EHBP1: variants seen among roughly 807,000 people sequenced by gnomAD.
EHBP1 encodes EH domain binding protein 1, also known as EH domain-binding protein 1.
Under a neutral mutation model 144.0 loss-of-function variants are expected in EHBP1, and 55 were observed. The observed-to-expected ratio is 0.38, with a 90% CI of 0.31 to 0.48. The LOEUF is 0.48. Among genes scored for constraint, EHBP1 ranks in the 20% least tolerant of loss-of-function variants. The pLI, the probability that EHBP1 is intolerant of heterozygous loss-of-function variation, is 0.98. For missense variants in EHBP1, 1,200 were observed against 1,364.2 expected (o/e 0.88, Z 1.90); for synonymous variants, 469 against 472.7 (o/e 0.99, Z 0.10).
rs2058957644 is a variant in EHBP1 at position 62,981,260 on chromosome 2, G to T, written c.2608+1925G>T. On this transcript the variant is annotated intron_variant, in intron 15 of 22. Transcript: ENST00000431489. ...TGTCATTTATCATTAATAATTAGAT[G>T]CTTCTTTTATCGTAAAAATCTTCCA... Among the ~76,000 whole-genome samples the T allele has an allele frequency of 3.9e-5, 6 of 151,958 alleles. 1 individual carries two copies. Among genetic ancestry groups the T allele is most frequent in the Admixed American group, 3.9e-4 (6 of 15,254 alleles).
intron 10 of EHBP1, among the ~76,000 whole-genome samples, chr2:62,935,344 A>AAAAAT (rs1553479000): frequency 1.6e-5 from 2 of 121,490 alleles, no homozygotes; most frequent in South Asian, 2.6e-4. Flanking sequence ...AAAAAAAAAA[A>AAAAAT]ATATATATAT....
At chr2:62,682,771 T>A (rs1413647785) in intron 1 of EHBP1, among the ~76,000 whole-genome samples, 1 of 152,168 alleles carries the variant, frequency 6.6e-6, no homozygotes, top group Non-Finnish European at 1.5e-5. Context: ...ATTGCTGGAT[T>A]TTGGAGAATA....
intron 7 of EHBP1, among the ~76,000 whole-genome samples, chr2:62,845,601 A>G (rs1487035290): frequency 6.6e-6 from 1 of 151,978 alleles, no homozygotes; most frequent in African/African-American, 2.4e-5. Context: ...GTCAGAGAGT[A>G]GGACCATTAA....
intron 5 of EHBP1, among the ~76,000 whole-genome samples, chr2:62,794,056 T>C (rs867877605): frequency 6.6e-6 from 1 of 152,152 alleles, no homozygotes; most frequent in Admixed American, 6.6e-5. Context: ...TATAAGTTGT[T>C]GTCTTCGCAA....
chr2:62,905,025 G>C (rs2053684958), intron 10 of EHBP1, among the ~76,000 whole-genome samples: 1 of 152,182 alleles, frequency 6.6e-6, no homozygotes, highest in Admixed American at 6.5e-5. Context: ...AAGAGTGCCA[G>C]AAAGATGATA....
intron 7 of EHBP1, among the ~76,000 whole-genome samples, chr2:62,835,643 C>A (rs1237224460): frequency 6.6e-6 from 1 of 152,036 alleles, no homozygotes; most frequent in Admixed American, 6.5e-5. Context: ...GCGCACCGTG[C>A]GCGAGCCGAA....
chr2:62,841,335 T>G, intron 7 of EHBP1, among the ~76,000 whole-genome samples: 1 of 106,406 alleles, frequency 9.4e-6, no homozygotes, highest in Admixed American at 1.3e-4. Flanking sequence ...CTCTGGGGAC[T>G]GTGGTGGGGT....
chr2:63,022,246 T>G (rs529436349), intron 19 of EHBP1, among the ~76,000 whole-genome samples: 1 of 152,140 alleles, frequency 6.6e-6, no homozygotes, highest in Non-Finnish European at 1.5e-5. Flanking sequence ...GCCATTCTAT[T>G]GTGGAGACAT....
intron 10 of EHBP1, among the ~76,000 whole-genome samples, chr2:62,925,196 G>C (rs1417388198): frequency 6.6e-6 from 1 of 152,010 alleles, no homozygotes; most frequent in Non-Finnish European, 1.5e-5. Context: ...AGGTATAGAA[G>C]GTTAATACCT....
chr2:62,828,397 A>G (rs1443347985), intron 6 of EHBP1, among the ~76,000 whole-genome samples: 1 of 152,244 alleles, frequency 6.6e-6, no homozygotes, highest in African/African-American at 2.4e-5. Context: ...TACTTAATGT[A>G]AACTTTATAA....
intron 21 of EHBP1, among the ~76,000 whole-genome samples, chr2:63,040,053 C>T (rs2153368873): frequency 6.6e-6 from 1 of 151,748 alleles, no homozygotes; most frequent in African/African-American, 2.4e-5. Flanking sequence ...TGGTATTTTT[C>T]CTCTTGATAT....
At chr2:62,913,599 G>A (rs1372900817) in intron 10 of EHBP1, among the ~76,000 whole-genome samples, 1 of 152,188 alleles carries the variant, frequency 6.6e-6, no homozygotes, top group East Asian at 1.9e-4. Flanking sequence ...GCAATTTGGT[G>A]AGGTTTTTTT....
At chr2:62,753,756 C>G (rs2039987551) in intron 3 of EHBP1, among the ~76,000 whole-genome samples, 1 of 152,172 alleles carries the variant, frequency 6.6e-6, no homozygotes, top group African/African-American at 2.4e-5. Flanking sequence ...CCTGCAATCA[C>G]TGATACCCTT....
chr2:63,043,218 C>G (rs1160721545), intron 21 of EHBP1, among the ~76,000 whole-genome samples: 1 of 152,118 alleles, frequency 6.6e-6, no homozygotes, highest in African/African-American at 2.4e-5. Context: ...AAAAATTTTC[C>G]AGCATTCCTC....
chr2:62,891,824 A>G (rs2052483962), intron 10 of EHBP1, among the ~76,000 whole-genome samples: 1 of 152,136 alleles, frequency 6.6e-6, no homozygotes, highest in East Asian at 1.9e-4. Flanking sequence ...ACTTCCAATA[A>G]TTAGCATTCA....
Position 62,800,045 on chromosome 2 carries a change from G to A in EHBP1, c.313-26042G>A, listed in dbSNP as rs571168171. The stretch of plus-strand genomic sequence containing the variant: ...GTGAAAACGTGCTGTCTGGAACTTC[G>A]AAAAACTCAAGTATTCAATAATTTT... On this transcript the variant is annotated intron_variant, in intron 5 of 22. Coordinates refer to ENST00000431489, the MANE Select transcript of EHBP1 (RefSeq NM_001142616.3). Among the ~76,000 whole-genome samples, 52 of 152,244 alleles carry A rather than the reference G, an allele frequency of 3.4e-4. 1 individual carries two copies. Among genetic ancestry groups the A allele is most frequent in the Middle Eastern group, 3.4e-3 (1 of 294 alleles).
intron 21 of EHBP1, 63 bp downstream of exon 21, chr2:63,038,879 T>C (rs1487913198): frequency 6.8e-7 from 1 of 1,460,770 alleles, no homozygotes; most frequent in Non-Finnish European, 9.6e-7. Flanking sequence ...ATTTAAAGAA[T>C]ATAATACACT....
At chr2:62,729,486 AATAT>A (rs1194579232) in intron 2 of EHBP1, among the ~76,000 whole-genome samples, 3 of 104,714 alleles carry the variant, frequency 2.9e-5, no homozygotes, top group African/African-American at 1.2e-4. Context: ...AATATATATA[AATAT>A]ATAAATATAT....
intron 10 of EHBP1, among the ~76,000 whole-genome samples, chr2:62,877,879 A>G (rs1255113240): frequency 1.3e-5 from 2 of 152,230 alleles, no homozygotes; most frequent in African/African-American, 4.8e-5. Context: ...TTAAAAAGTT[A>G]GAAAGGTCTC....
Sources: gnomAD v4.1 joint callset for allele counts (sites outside exome capture counted in the v4.1 genomes callset) on GRCh38, gnomAD v4.1.1 for gene constraint, MANE v1.5 for transcripts, NCBI Gene and HGNC (gene_info 2026-07-23, HGNC 2026-07-21) for gene names.